The following DDX60L variants were observed in gnomAD, a reference collection of about 807,000 sequenced individuals.
DDX60L encodes probable ATP-dependent RNA helicase DDX60-like.
DDX60L carries 191 observed loss-of-function variants against 211.6 expected under a neutral mutation model. That is an observed-to-expected ratio of 0.90 (90% confidence interval 0.80 to 1.02). DDX60L has a LOEUF of 1.02. Among genes scored for constraint, DDX60L ranks in the 50% least tolerant of loss-of-function variants. DDX60L has a pLI of 0.00. For synonymous variants in DDX60L, 706 were observed against 694.1 expected (o/e 1.02, Z -0.27); for missense variants, 2,007 against 1,984.1 (o/e 1.01, Z -0.22).
Position 168,427,236 on chromosome 4 carries a change from A to G in DDX60L, c.1764T>C (p.Asp588=). The change falls in exon 14 of 38, where the codon GAT becomes GAC. Residue 588 remains aspartate, a synonymous_variant. Transcript: ENST00000682922. ...EDQNKAQQND[D]LLFSIEEEMK... is the part of the protein sequence containing the mutation. Reference sequence around the variant, plus strand: ...TCTCCTCTTCAATAGAAAACAGCAGATCATCGTTTTGCTGAGCTTTGTTCT... The same window carrying G: ...TCTCCTCTTCAATAGAAAACAGCAGGTCATCGTTTTGCTGAGCTTTGTTCT... The G allele has an allele frequency of 2.5e-6, 4 of 1,613,788 alleles. No individual in the cohort carries two copies. Among genetic ancestry groups the G allele is most frequent in the Non-Finnish European group, 3.4e-6 (4 of 1,179,816 alleles).
intron 10 of DDX60L, among the ~76,000 whole-genome samples, chr4:168,434,248 T>C (rs997245433): frequency 1.6e-4 from 24 of 152,172 alleles, no homozygotes; most frequent in African/African-American, 5.8e-4. Flanking sequence ...TTATTTTCAG[T>C]CATTATCTAT....
chr4:168,400,324 C>T (rs1484397160), intron 26 of DDX60L, among the ~76,000 whole-genome samples: 1 of 152,168 alleles, frequency 6.6e-6, no homozygotes, highest in African/African-American at 2.4e-5. Flanking sequence ...CTTCAGTGAA[C>T]ATATGCATGC....
Position 168,371,874 on chromosome 4 carries a change from T to C in DDX60L, c.4777-111A>G, listed in dbSNP as rs576700193. ...TTTCTTAAAGTACGTTCTGAAGAAG[T>C]TGAAGTGAAGGAGGCAGGCAGAGGG... On this transcript the variant is annotated intron_variant, in intron 35 of 37. Transcript: ENST00000682922. The C allele has an allele frequency of 9.4e-5, 102 of 1,089,364 alleles. 1 individual carries two copies. Among genetic ancestry groups the C allele is most frequent in the South Asian group, 3.5e-4 (18 of 50,718 alleles). 67.5% of individuals were successfully genotyped at this position (1,089,364 alleles called of 1,614,324 possible).
intron 7 of DDX60L, among the ~76,000 whole-genome samples, chr4:168,455,780 TACA>T (rs1756483009): frequency 6.6e-6 from 1 of 152,190 alleles, no homozygotes; most frequent in African/African-American, 2.4e-5. Context: ...AAACTTGCTG[TACA>T]TTGTATTTTA....
chr4:168,439,460 C>G (rs1310367403), intron 10 of DDX60L, among the ~76,000 whole-genome samples: 2 of 152,052 alleles, frequency 1.3e-5, no homozygotes, highest in Non-Finnish European at 2.9e-5. Flanking sequence ...TCCTTAAGAC[C>G]TGCCCTATAA....
At chr4:168,432,409 A>C in intron 12 of DDX60L, 46 bp downstream of exon 12, 1 of 1,086,878 alleles carries the variant, frequency 9.2e-7, no homozygotes, top group Non-Finnish European at 1.3e-6. Context: ...AAGAGCAGCA[A>C]AGGCAATTCA....
At chr4:168,435,943 G>A (rs4306922) in intron 10 of DDX60L, among the ~76,000 whole-genome samples, 13,091 of 152,170 alleles carry the variant, frequency 0.086, 788 homozygotes, top group South Asian at 0.12. Flanking sequence ...GAAAATGAAC[G>A]GAACAAAAAT....
chr4:168,390,659 T>C, intron 29 of DDX60L: 2 of 447,868 alleles, frequency 4.5e-6, no homozygotes, highest in Non-Finnish European at 7.4e-6. Context: ...TAGCAGTGTA[T>C]AGAGAGGAGG....
intron 19 of DDX60L, among the ~76,000 whole-genome samples, chr4:168,418,013 C>G (rs1213229315): frequency 1.3e-5 from 2 of 152,134 alleles, no homozygotes; most frequent in East Asian, 3.8e-4. Context: ...ATTTTTAAAG[C>G]CTTCTTACAA....
chr4:168,450,185 G>A (rs116278893), intron 8 of DDX60L, among the ~76,000 whole-genome samples: 10,622 of 152,094 alleles, frequency 0.07, 1,215 homozygotes, highest in African/African-American at 0.24. Flanking sequence ...AACCACTATT[G>A]TAAAACCTAA....
At chr4:168,451,960 T>C (rs940638411) in intron 8 of DDX60L, among the ~76,000 whole-genome samples, 2 of 152,216 alleles carry the variant, frequency 1.3e-5, no homozygotes, top group African/African-American at 4.8e-5. Context: ...GAGGTCAACC[T>C]TTCCAGACTG....
chr4:168,442,006 T>C (rs923995242), intron 9 of DDX60L, among the ~76,000 whole-genome samples: 10 of 152,116 alleles, frequency 6.6e-5, no homozygotes, highest in African/African-American at 2.2e-4. Context: ...GGAGCCAAGA[T>C]GGCCGAATAG....
intron 26 of DDX60L, among the ~76,000 whole-genome samples, chr4:168,400,070 T>C (rs996675872): frequency 3.3e-5 from 5 of 152,158 alleles, no homozygotes; most frequent in African/African-American, 4.8e-5. Context: ...TATGTGTCCA[T>C]GTATTCTCAT....
chr4:168,418,774 A>G (rs930624190), intron 19 of DDX60L, among the ~76,000 whole-genome samples: 2 of 152,236 alleles, frequency 1.3e-5, no homozygotes, highest in African/African-American at 4.8e-5. Context: ...CTCTCTGGCC[A>G]ATGAGTCTGA....
intron 24 of DDX60L, among the ~76,000 whole-genome samples, chr4:168,405,304 G>A (rs544827032): frequency 2.6e-5 from 4 of 152,100 alleles, no homozygotes; most frequent in Non-Finnish European, 2.9e-5. Flanking sequence ...CACCACTCCC[G>A]GCCAACCCAT....
rs77900203 is a variant in DDX60L at position 168,411,964 on chromosome 4, C to A, written c.2979+3444G>T. ...GAGGCCCCCATTCCAGGCCCTCGCT[C>A]CCAGACCTTTCTAGACACATGCTGA... On this transcript the variant is annotated intron_variant, in intron 22 of 37. Transcript: ENST00000682922. Among the ~76,000 whole-genome samples, 742 of 151,894 alleles carry A rather than the reference C, an allele frequency of 4.9e-3. 2 individuals are homozygous for A. The highest frequency in any genetic ancestry group is 0.017 in the African/African-American group (690 of 41,428).
At position 168,415,804 on chromosome 4, in the gene DDX60L, C is replaced by A. The variant is rs755866021; in HGVS notation, c.2727-5G>T. 1.3e-6 allele frequency: 2 copies of A among 1,521,260 alleles called. No individual in the cohort carries two copies. The highest frequency in any genetic ancestry group is 1.8e-6 in the Non-Finnish European group (2 of 1,135,564). The allele number at this position is 1,521,260 out of a possible 1,614,324, so 94.2% of individuals were successfully genotyped here. A position where few individuals can be genotyped will look rare whatever the true frequency, so the allele number is the denominator to read the frequency against. ...TGTTTTACTGATTGCAGCCACCTTACAGAATAAACATGCATATAATTTAAA... is the reference window on the plus strand; with the variant it reads ...TGTTTTACTGATTGCAGCCACCTTAAAGAATAAACATGCATATAATTTAAA... On this transcript the variant is annotated splice_polypyrimidine_tract_variant and splice_region_variant and intron_variant, in intron 20 of 37. Transcript: ENST00000682922.
chr4:168,378,127 T>C (rs2149669234), intron 33 of DDX60L, among the ~76,000 whole-genome samples: 1 of 152,322 alleles, frequency 6.6e-6, no homozygotes, highest in Middle Eastern at 3.4e-3. Flanking sequence ...TTACATAATT[T>C]GCTCCAATAA....
At chr4:168,478,654 A>G (rs141938308) in intron 1 of DDX60L, among the ~76,000 whole-genome samples, 106 of 152,336 alleles carry the variant, frequency 7.0e-4, no homozygotes, top group African/African-American at 2.5e-3. Flanking sequence ...TATTTTATTA[A>G]AAGCCATAAA....
Sources: gnomAD v4.1 joint callset for allele counts (sites outside exome capture counted in the v4.1 genomes callset) on GRCh38, gnomAD v4.1.1 for gene constraint, MANE v1.5 for transcripts, NCBI Gene and HGNC (gene_info 2026-07-23, HGNC 2026-07-21) for gene names.